CDK6: variants seen among roughly 807,000 people sequenced by gnomAD.
The protein encoded by CDK6 is cyclin dependent kinase 6, also known as cyclin-dependent kinase 6.
A neutral mutation model predicts 37.1 loss-of-function variants in CDK6; 6 were observed. The observed-to-expected ratio is 0.16, with a 90% confidence interval of 0.09 to 0.32. The LOEUF is 0.32. Ranked by LOEUF, CDK6 falls within the 10% of genes least tolerant of loss-of-function variation. CDK6 has a pLI of 1.00. For synonymous variants in CDK6, 160 were observed against 161.3 expected, an observed-to-expected ratio of 0.99 and a Z score of 0.06; for missense variants, 224 against 418.9, an observed-to-expected ratio of 0.53 and a Z score of 4.06.
At position 92,607,595 on chromosome 7, in the gene CDK6, C is replaced by T. The variant is rs541526896; in HGVS notation, c.*7545G>A. ...GGTCCATCAATACCATGATAATGAA[C>T]ATTAGATGCAAAATCCTAACACTTT... On this transcript the variant is annotated 3_prime_UTR_variant, in exon 8 of 8. Coordinates refer to ENST00000424848, the MANE Select transcript of CDK6 (RefSeq NM_001145306.2). 3 of 232,226 alleles carry T rather than the reference C, an allele frequency of 1.3e-5. No homozygotes were observed. The East Asian group carries it at 1.8e-4, about 14-fold the overall frequency. The allele number at this position is 232,226 out of a possible 1,614,324, so 14.4% of individuals were successfully genotyped here.
chr7:92,654,635 G>A (rs896501013), intron 5 of CDK6, among the ~76,000 whole-genome samples: 5 of 152,002 alleles, frequency 3.3e-5, no homozygotes, highest in Non-Finnish European at 5.9e-5. Flanking sequence ...TATTTGAAGC[G>A]TCTTACCCGA....
intron 5 of CDK6, among the ~76,000 whole-genome samples, chr7:92,634,164 C>T (rs1435296031): frequency 6.6e-6 from 1 of 152,064 alleles, no homozygotes; most frequent in Non-Finnish European, 1.5e-5. Flanking sequence ...TATGGCTTCA[C>T]TTTTAATATG....
At chr7:92,658,638 C>T (rs368170039) in intron 5 of CDK6, among the ~76,000 whole-genome samples, 10 of 151,788 alleles carry the variant, frequency 6.6e-5, no homozygotes, top group Admixed American at 1.3e-4. Context: ...GGAAGTATAT[C>T]GAGGGGACTA....
At chr7:92,657,167 A>G (rs1796718008) in intron 5 of CDK6, among the ~76,000 whole-genome samples, 1 of 152,176 alleles carries the variant, frequency 6.6e-6, no homozygotes, top group Non-Finnish European at 1.5e-5. Context: ...TTTTATAATC[A>G]AAAGTGGGTG....
chr7:92,807,646 C>T (rs1256534717), intron 2 of CDK6, among the ~76,000 whole-genome samples: 2 of 151,858 alleles, frequency 1.3e-5, no homozygotes, highest in African/African-American at 4.8e-5. Flanking sequence ...GCTTGCCCTT[C>T]ACTAGTACTA....
chr7:92,641,693 T>C (rs1418217571), intron 5 of CDK6, among the ~76,000 whole-genome samples: 1 of 152,208 alleles, frequency 6.6e-6, no homozygotes, highest in Admixed American at 6.5e-5. Context: ...CAGTCCAGAT[T>C]GCTGATCCTA....
At position 92,819,210 on chromosome 7, in the gene CDK6, A is replaced by G. The variant is rs542784797; in HGVS notation, c.233+13881T>C. On this transcript the variant is annotated intron_variant, in intron 2 of 7. Coordinates refer to ENST00000424848, the MANE Select transcript of CDK6 (RefSeq NM_001145306.2). ...TGAATAAACAAATTGTGGTAAATCC[A>G]TATAATGGAAAATGAACTACTCAAA... 1.5e-3 allele frequency among the ~76,000 whole-genome samples: 223 copies of G among 152,244 alleles called. 1 individual carries two copies. The highest frequency in any genetic ancestry group is 2.6e-3 in the Non-Finnish European group (178 of 67,966).
intron 3 of CDK6, among the ~76,000 whole-genome samples, chr7:92,733,898 A>G (rs1232990157): frequency 1.3e-5 from 2 of 152,136 alleles, no homozygotes; most frequent in East Asian, 1.9e-4. Context: ...AGGCTGGTCT[A>G]TGTTACCCAG....
At chr7:92,762,103 T>C (rs1765299976) in intron 3 of CDK6, among the ~76,000 whole-genome samples, 1 of 152,218 alleles carries the variant, frequency 6.6e-6, no homozygotes, top group South Asian at 2.1e-4. Flanking sequence ...GTTGAAATAT[T>C]AAAGGACTTG....
chr7:92,640,133 G>C (rs1796268621), intron 5 of CDK6, among the ~76,000 whole-genome samples: 1 of 152,158 alleles, frequency 6.6e-6, no homozygotes, highest in Non-Finnish European at 1.5e-5. Flanking sequence ...GCTAGCACAA[G>C]AGAGCACGCC....
intron 5 of CDK6, among the ~76,000 whole-genome samples, chr7:92,642,503 C>T (rs570286313): frequency 2.6e-5 from 4 of 152,270 alleles, no homozygotes; most frequent in Admixed American, 2.6e-4. Flanking sequence ...CTGAATTCTT[C>T]TAATGTCTTC....
At position 92,833,165 on chromosome 7, in the gene CDK6, G is replaced by A. The variant is rs1421677965; in HGVS notation, c.159C>T (p.Gly53=). 1 of 1,609,038 alleles carries A rather than the reference G, an allele frequency of 6.2e-7. No individual in the cohort carries two copies. Among genetic ancestry groups the A allele is most frequent in the East Asian group, 2.2e-5 (1 of 44,654 alleles). The change falls in exon 2 of 8, where the codon GGC becomes GGT. Residue 53 remains glycine, a synonymous_variant. Coordinates refer to ENST00000424848, the MANE Select transcript of CDK6 (RefSeq NM_001145306.2). This position sits in a 1 kb window ranked among gnomAD's most constrained non-coding sequence, Gnocchi z 6.1. ...CCTCGCGGATGGTGGAGAGCGGCATGCCCTCCTCGCCGGTCTGCACCCGCA... is the reference window on the plus strand; with the variant it reads ...CCTCGCGGATGGTGGAGAGCGGCATACCCTCCTCGCCGGTCTGCACCCGCA... The part of the protein sequence containing the change: ...KRVRVQTGEE[G]MPLSTIREVA...
chr7:92,830,150 CA>C (rs541088893), intron 2 of CDK6, among the ~76,000 whole-genome samples: 54 of 152,182 alleles, frequency 3.5e-4, no homozygotes, highest in African/African-American at 1.3e-3. Flanking sequence ...TTGGGATTAC[CA>C]AATGTAAAAA....
At chr7:92,793,991 C>T (rs567582332) in intron 2 of CDK6, among the ~76,000 whole-genome samples, 1 of 152,058 alleles carries the variant, frequency 6.6e-6, no homozygotes, top group African/African-American at 2.4e-5. Flanking sequence ...CTGAATCAAG[C>T]GCTTTAAATG....
At chr7:92,692,115 A>G in intron 4 of CDK6, among the ~76,000 whole-genome samples, 1 of 152,056 alleles carries the variant, frequency 6.6e-6, no homozygotes, top group Non-Finnish European at 1.5e-5. Context: ...TAAAATACAA[A>G]ATTAGCCAGG....
intron 3 of CDK6, among the ~76,000 whole-genome samples, chr7:92,742,632 T>C (rs74884369): frequency 0.018 from 2,719 of 152,298 alleles, 90 homozygotes; most frequent in African/African-American, 0.062. Context: ...CACAAAGTAG[T>C]ACAATGGTAG....
In CDK6 at chr7:92,813,477, A is replaced by G. The variant is rs550354345; in HGVS notation, c.233+19614T>C. Among the ~76,000 whole-genome samples, 123 of 152,318 alleles carry G rather than the reference A, an allele frequency of 8.1e-4. 1 individual carries two copies. In the Middle Eastern group the frequency reaches 0.01, roughly 13 times the overall value. On this transcript the variant is annotated intron_variant, in intron 2 of 7. Coordinates refer to ENST00000424848, the MANE Select transcript of CDK6 (RefSeq NM_001145306.2). Reference sequence around the variant, plus strand: ...TGAAAACGTTCTCAGTCTAGAAATGATTGAGGTGGTTTTCTTTAATCAAAT... The same window carrying G: ...TGAAAACGTTCTCAGTCTAGAAATGGTTGAGGTGGTTTTCTTTAATCAAAT...
At chr7:92,726,116 A>T (rs1047407234) in intron 3 of CDK6, among the ~76,000 whole-genome samples, 2 of 152,142 alleles carry the variant, frequency 1.3e-5, no homozygotes, top group Non-Finnish European at 2.9e-5. Flanking sequence ...AGGAAGGAGG[A>T]GGTCGTGAGG....
chr7:92,749,351 C>T (rs1188065510), intron 3 of CDK6, among the ~76,000 whole-genome samples: 1 of 152,086 alleles, frequency 6.6e-6, no homozygotes, highest in Non-Finnish European at 1.5e-5. Flanking sequence ...GTAGTGTGCA[C>T]CTGTAGTTTC....
Sources: gnomAD v4.1 joint callset for allele counts (sites outside exome capture counted in the v4.1 genomes callset) on GRCh38, gnomAD v4.1.1 for gene constraint, Gnocchi (gnomAD v3.1) non-coding constraint, MANE v1.5 for transcripts, NCBI Gene and HGNC (gene_info 2026-07-23, HGNC 2026-07-21) for gene names.